Variants in DLG2 observed in about 807,000 individuals in gnomAD.
DLG2 encodes discs large MAGUK scaffold protein 2.
Under a neutral mutation model 132.5 loss-of-function variants are expected in DLG2, and 45 were observed. That is an observed-to-expected ratio of 0.34 (90% confidence interval 0.27 to 0.44). DLG2 has a LOEUF of 0.44. DLG2 is among the 20% of genes least tolerant of loss of function. The pLI is 1.00. For synonymous variants in DLG2, 424 were observed against 419.6 expected, an observed-to-expected ratio of 1.01 and a Z score of -0.13; for missense variants, 1,045 against 1,196.9, an observed-to-expected ratio of 0.87 and a Z score of 1.87.
At chr11:85,528,469 A>G (rs2074956573) in intron 3 of DLG2, among the ~76,000 whole-genome samples, 1 of 152,236 alleles carries the variant, frequency 6.6e-6, no homozygotes, top group Admixed American at 6.5e-5. Context: ...ATCCAAAATA[A>G]AACACAATGA....
At chr11:85,575,033 T>A (rs1590928245) in intron 3 of DLG2, among the ~76,000 whole-genome samples, 1 of 152,052 alleles carries the variant, frequency 6.6e-6, no homozygotes, top group East Asian at 1.9e-4. Context: ...CTCTCCTACA[T>A]TTTCTTCCTT....
chr11:83,685,205 A>C (rs1438168159), intron 18 of DLG2, among the ~76,000 whole-genome samples: 1 of 152,190 alleles, frequency 6.6e-6, no homozygotes, highest in Non-Finnish European at 1.5e-5. Context: ...GCTGAGGTCT[A>C]AGACCACAGC....
At chr11:84,530,988 G>A (rs868738829) in intron 7 of DLG2, among the ~76,000 whole-genome samples, 1 of 151,952 alleles carries the variant, frequency 6.6e-6, no homozygotes, top group East Asian at 1.9e-4. Flanking sequence ...GAGGTCAGGA[G>A]ATCTGTAGTC....
In DLG2 at chr11:83,963,029, A is replaced by T; in HGVS notation, c.1202-6T>A. 6.2e-7 allele frequency: 1 copy of T among 1,612,280 alleles called. No individual in the cohort carries two copies. The highest frequency in any genetic ancestry group is 8.5e-7 in the Non-Finnish European group (1 of 1,178,572). ...TTCCATTGGTGGAGAATAAGCTAAGAGGTGGGGGAAAAAGAGAAAAGAAAC... is the reference window on the plus strand; with the variant it reads ...TTCCATTGGTGGAGAATAAGCTAAGTGGTGGGGGAAAAAGAGAAAAGAAAC... On this transcript the variant is annotated splice_region_variant and splice_polypyrimidine_tract_variant and intron_variant, in intron 13 of 27. Transcript: ENST00000376104.
intron 7 of DLG2, among the ~76,000 whole-genome samples, chr11:84,433,803 CAATT>C (rs776752301): frequency 1.6e-4 from 25 of 152,162 alleles, no homozygotes; most frequent in Admixed American, 5.9e-4. Flanking sequence ...AATGATATGA[CAATT>C]AAAAGCTATT....
intron 15 of DLG2, among the ~76,000 whole-genome samples, chr11:83,875,297 T>C (rs1226572209): frequency 6.6e-6 from 1 of 152,152 alleles, no homozygotes; most frequent in African/African-American, 2.4e-5. Flanking sequence ...CTAACATTTA[T>C]TGAGATCTGA....
intron 19 of DLG2, among the ~76,000 whole-genome samples, chr11:83,618,083 T>A (rs929206615): frequency 1.3e-5 from 2 of 152,266 alleles, no homozygotes; most frequent in African/African-American, 4.8e-5. Flanking sequence ...CACAGATGAG[T>A]TTTGAATTTT....
intron 7 of DLG2, among the ~76,000 whole-genome samples, chr11:84,296,917 A>G (rs2098096694): frequency 6.6e-6 from 1 of 152,184 alleles, no homozygotes; most frequent in Non-Finnish European, 1.5e-5. Flanking sequence ...GATATTCCAA[A>G]TATCTTTCAT....
chr11:83,945,252 G>C (rs1426137029), intron 14 of DLG2, among the ~76,000 whole-genome samples: 1 of 152,136 alleles, frequency 6.6e-6, no homozygotes, highest in Non-Finnish European at 1.5e-5. Context: ...CTACAGTCTG[G>C]GCAACAGAGG....
chr11:85,019,965 T>A (rs191258261), intron 6 of DLG2, among the ~76,000 whole-genome samples: 1 of 152,296 alleles, frequency 6.6e-6, no homozygotes, highest in African/African-American at 2.4e-5. Context: ...TGATTTATAA[T>A]CCTTTGGCTA....
At chr11:83,924,083 T>G (rs2078469682) in intron 15 of DLG2, among the ~76,000 whole-genome samples, 1 of 152,082 alleles carries the variant, frequency 6.6e-6, no homozygotes, top group Non-Finnish European at 1.5e-5. Flanking sequence ...TTTCTTTTAC[T>G]TGGAACACAT....
At chr11:84,390,163 A>G (rs1792933293) in intron 7 of DLG2, among the ~76,000 whole-genome samples, 1 of 152,140 alleles carries the variant, frequency 6.6e-6, no homozygotes, top group African/African-American at 2.4e-5. Flanking sequence ...TTTACATCCA[A>G]TTCTCTAATT....
chr11:85,314,058 C>T (rs1207457911), intron 3 of DLG2, among the ~76,000 whole-genome samples: 4 of 151,904 alleles, frequency 2.6e-5, no homozygotes, highest in Non-Finnish European at 5.9e-5. Context: ...AAGTAAAGAA[C>T]AATTAGACTG....
intron 7 of DLG2, among the ~76,000 whole-genome samples, chr11:84,530,934 T>C (rs1250180729): frequency 6.6e-6 from 1 of 152,024 alleles, no homozygotes; most frequent in Non-Finnish European, 1.5e-5. Context: ...TACAAAATAC[T>C]GCACAGCCAT....
At chr11:83,745,586 A>C (rs1244777604) in intron 18 of DLG2, among the ~76,000 whole-genome samples, 1 of 151,984 alleles carries the variant, frequency 6.6e-6, no homozygotes, top group Non-Finnish European at 1.5e-5. Flanking sequence ...GATGGATCAC[A>C]AGGTCAGGAG....
At chr11:84,720,497 A>G in intron 6 of DLG2, 1 of 984,964 alleles carries the variant, frequency 1.0e-6, no homozygotes, top group East Asian at 1.1e-4. Context: ...CGCTTCGATC[A>G]CTGCCCCCTG....
intron 7 of DLG2, among the ~76,000 whole-genome samples, chr11:84,479,155 C>A (rs557558991): frequency 6.6e-6 from 1 of 152,110 alleles, no homozygotes; most frequent in African/African-American, 2.4e-5. Context: ...ATTTAAACAC[C>A]CATTACTCTT....
intron 25 of DLG2, among the ~76,000 whole-genome samples, chr11:83,467,506 T>C (rs1015716537): frequency 1.5e-4 from 23 of 151,860 alleles, no homozygotes; most frequent in African/African-American, 5.3e-4. Context: ...CCTAGCACTC[T>C]AGGAGGCCGA....
rs1037964893 is a variant in DLG2, at chr11:83,615,005, C to G, written c.1940+18206G>C. Among the ~76,000 whole-genome samples, 3 of 152,310 alleles carry G rather than the reference C, an allele frequency of 2.0e-5. No homozygotes were observed. In the East Asian group the frequency reaches 5.8e-4, roughly 29 times the overall value. On this transcript the variant is annotated intron_variant, in intron 19 of 27. Transcript: ENST00000376104. ...ATCATTCAGCATTTCTTTGTGTTTT[C>G]AACAGCGTTTCATGTAAGCAAATTT...
Sources: gnomAD v4.1 joint callset for allele counts (sites outside exome capture counted in the v4.1 genomes callset) on GRCh38, gnomAD v4.1.1 for gene constraint, MANE v1.5 for transcripts, NCBI Gene and HGNC (gene_info 2026-07-23, HGNC 2026-07-21) for gene names.